MYO1A: variants seen among roughly 807,000 people sequenced by gnomAD.
MYO1A encodes the protein myosin IA, also known as unconventional myosin-Ia.
In MYO1A, 127 loss-of-function variants were observed where a neutral mutation model predicts 138.5. The ratio of observed to expected loss-of-function variants is 0.92; its 90% CI spans 0.79 to 1.06. MYO1A has a LOEUF of 1.06. Among genes scored for constraint, MYO1A ranks in the 50% least tolerant of loss-of-function variants. The probability of loss-of-function intolerance (pLI) is 0.00; values close to 1 mark genes in which losing one functional copy is unlikely to be tolerated. For synonymous variants in MYO1A, 477 were observed against 497.5 expected (o/e 0.96, Z 0.55); for missense variants, 1,211 against 1,288.8 (o/e 0.94, Z 0.92).
At position 57,046,884 on chromosome 12, in the gene MYO1A, G is replaced by C; in HGVS notation, c.520C>G (p.Leu174Val). Residue 174 changes from leucine to valine, a missense_variant, in exon 7 of 28, where the codon CTC becomes GTC. Transcript: ENST00000300119. ...GTACAGTTTGTGATGACACCACCGAGGGGGGATCCCTTGAAGTCAAATTCA... is the reference window on the plus strand; with the variant it reads ...GTACAGTTTGTGATGACACCACCGACGGGGGATCCCTTGAAGTCAAATTCA... The part of the protein sequence containing the change: ...DIEFDFKGSP[L>V]GGVITNYLLE... 1 of 1,613,996 alleles carries C rather than the reference G, an allele frequency of 6.2e-7. No individual in the cohort carries two copies. Among genetic ancestry groups the C allele is most frequent in the Non-Finnish European group, 8.5e-7 (1 of 1,179,910 alleles).
chr12:57,030,449 T>C (rs2030223636), intron 23 of MYO1A, 133 bp from the exon 24 acceptor site: 1 of 722,622 alleles, frequency 1.4e-6, no homozygotes, highest in Admixed American at 2.3e-5. Flanking sequence ...ACTAGACACC[T>C]CAGGGAGAGG....
chr12:57,029,944 C>T, intron 24 of MYO1A, 72 bp from the exon 25 acceptor site: 3 of 1,610,866 alleles, frequency 1.9e-6, no homozygotes, highest in East Asian at 4.5e-5. Flanking sequence ...AGTTCCCATC[C>T]TAGTCCTCCC....
intron 11 of MYO1A, 33 bp downstream of exon 11, chr12:57,043,206 GA>G (rs1344946994): frequency 6.2e-7 from 1 of 1,613,688 alleles, no homozygotes; most frequent in African/African-American, 1.3e-5. Flanking sequence ...GAACAGGGTC[GA>G]AACAGCCCCC....
At chr12:57,032,858 A>C (rs2030352566) in intron 22 of MYO1A, among the ~76,000 whole-genome samples, 1 of 152,212 alleles carries the variant, frequency 6.6e-6, no homozygotes, top group Admixed American at 6.5e-5. Context: ...AATTCAATAT[A>C]GCTTATTATT....
At chr12:57,031,320 C>A (rs575987764) in intron 22 of MYO1A, 146 bp from the exon 23 acceptor site, 185 of 1,005,620 alleles carry the variant, frequency 1.8e-4, no homozygotes, top group Non-Finnish European at 1.4e-5. Flanking sequence ...GGAAGGGAGT[C>A]ACCTCTTGGA....
At chr12:57,031,506 G>A (rs187354510) in intron 22 of MYO1A, among the ~76,000 whole-genome samples, 104 of 152,296 alleles carry the variant, frequency 6.8e-4, no homozygotes, top group African/African-American at 2.5e-3. Flanking sequence ...TATTCCTTCT[G>A]TTCACAATTG....
At chr12:57,040,516 T>C (rs930955109) in intron 14 of MYO1A, among the ~76,000 whole-genome samples, 1 of 152,246 alleles carries the variant, frequency 6.6e-6, no homozygotes, top group Non-Finnish European at 1.5e-5. Flanking sequence ...ATGTATTATG[T>C]ATCTGATCAT....
intron 1 of MYO1A, among the ~76,000 whole-genome samples, chr12:57,048,615 C>G (rs754012994): frequency 5.9e-5 from 9 of 152,110 alleles, no homozygotes; most frequent in Non-Finnish European, 1.3e-4. Flanking sequence ...CCTCTGACCA[C>G]CAGGGGAAGG....
Position 57,028,854 on chromosome 12 carries a change from A to G in MYO1A, c.3033T>C (p.Ser1011=), listed in dbSNP as rs1278183789. ...EKFSVRFKEN[S]VAVKVVQGPA... ...GGCCCTGGACGACCTTGACAGCCAC[A>G]CTGTTCTCCTTGAACCTCACTGAGA... Residue 1011 remains serine, a synonymous_variant, in exon 28 of 28, where the codon AGT becomes AGC. Coordinates refer to ENST00000300119, the MANE Select transcript of MYO1A (RefSeq NM_005379.4). 1 of 1,613,818 alleles carries G rather than the reference A, an allele frequency of 6.2e-7. No individual in the cohort carries two copies. Among genetic ancestry groups the G allele is most frequent in the Non-Finnish European group, 8.5e-7 (1 of 1,179,992 alleles).
intron 10 of MYO1A, 48 bp from the exon 11 acceptor site, chr12:57,043,406 CAG>C: frequency 9.6e-6 from 15 of 1,559,458 alleles, no homozygotes; most frequent in Non-Finnish European, 1.3e-5. Flanking sequence ...AGCTTTCTCT[CAG>C]GGGAGGGAGT....
chr12:57,028,955 C>A, intron 27 of MYO1A, 74 bp from the exon 28 acceptor site: 1 of 1,595,404 alleles, frequency 6.3e-7, no homozygotes, highest in Non-Finnish European at 8.6e-7. Context: ...TGATGGCCCC[C>A]CCATCATGCG....
intron 8 of MYO1A, 41 bp downstream of exon 8, chr12:57,046,511 T>G (rs1309106649): frequency 6.0e-6 from 9 of 1,508,574 alleles, no homozygotes; most frequent in Non-Finnish European, 7.4e-6. Flanking sequence ...GACTTTGCCA[T>G]GTGTCACTCA....
upstream of MYO1A, chr12:57,050,888 T>C (rs898895813): frequency 1.3e-5 from 2 of 152,324 alleles, no homozygotes; most frequent in African/African-American, 2.4e-5. Context: ...TGCTAGTGCA[T>C]GGCAGAACCA....
At chr12:57,046,012 A>T (rs917252049) in intron 8 of MYO1A, among the ~76,000 whole-genome samples, 4 of 152,234 alleles carry the variant, frequency 2.6e-5, no homozygotes, top group African/African-American at 4.8e-5. Context: ...ATAATATTTG[A>T]TCATAGGTGT....
intron 25 of MYO1A, 52 bp from the exon 26 acceptor site, chr12:57,029,639 T>C: frequency 3.1e-6 from 5 of 1,613,854 alleles, no homozygotes; most frequent in Non-Finnish European, 4.2e-6. Flanking sequence ...TTGCCCCCAC[T>C]CCACCTGGCA....
rs185743176 is a variant in MYO1A at position 57,029,097 on chromosome 12, G to A, written c.3005+35C>T. ...ATGACCATCAGCCTGGCCATCTACCGTAAGCCGCCCCTCACCCCCAGTTCA... is the reference window on the plus strand; with the variant it reads ...ATGACCATCAGCCTGGCCATCTACCATAAGCCGCCCCTCACCCCCAGTTCA... On this transcript the variant is annotated intron_variant, in intron 27 of 27. Transcript: ENST00000300119. 3.6e-4 allele frequency: 586 copies of A among 1,613,798 alleles called. 3 individuals are homozygous for A. The African/African-American group carries it at 7.0e-3, about 19-fold the overall frequency.
Position 57,043,287 on chromosome 12 carries a change from T to C in MYO1A, c.964A>G (p.Met322Val), listed in dbSNP as rs1380696409. ...EVERALCSRT[M>V]ETAKEKVVTA... Reference sequence around the variant, plus strand: ...ACCACCTTTTCCTTGGCTGTTTCCATGGTCCTCGAGCACAAAGCTCTCTCT... The same window carrying C: ...ACCACCTTTTCCTTGGCTGTTTCCACGGTCCTCGAGCACAAAGCTCTCTCT... Residue 322 changes from methionine to valine, a missense_variant, in exon 11 of 28, where the codon ATG becomes GTG. Transcript: ENST00000300119. 1.9e-6 allele frequency: 3 copies of C among 1,614,086 alleles called. No individual in the cohort carries two copies. Among genetic ancestry groups the C allele is most frequent in the South Asian group, 1.1e-5 (1 of 91,090 alleles).
chr12:57,030,348 A>G (rs781690317), intron 23 of MYO1A, 32 bp from the exon 24 acceptor site: 1 of 1,392,482 alleles, frequency 7.2e-7, no homozygotes, highest in South Asian at 1.2e-5. Flanking sequence ...AGCTAAAATC[A>G]TAGAGTGGGA....
intron 12 of MYO1A, 69 bp from the exon 13 acceptor site, chr12:57,041,566 C>A (rs148981789): frequency 4.4e-6 from 6 of 1,374,488 alleles, no homozygotes; most frequent in African/African-American, 4.3e-5. Flanking sequence ...CCTTCTGGAG[C>A]GGATGGGGTT....
Sources: gnomAD v4.1 joint callset for allele counts (sites outside exome capture counted in the v4.1 genomes callset) on GRCh38, gnomAD v4.1.1 for gene constraint, MANE v1.5 for transcripts, NCBI Gene and HGNC (gene_info 2026-07-23, HGNC 2026-07-21) for gene names.